The following RBM47 variants were observed in gnomAD, a reference collection of about 807,000 sequenced individuals.
The protein encoded by RBM47 is RNA-binding protein 47.
Under a neutral mutation model 47.1 loss-of-function variants are expected in RBM47, and 21 were observed. The ratio of observed to expected loss-of-function variants is 0.45; its 90% CI spans 0.32 to 0.64. The LOEUF is 0.64. Among genes scored for constraint, RBM47 ranks in the 30% least tolerant of loss-of-function variants. RBM47 has a pLI of 0.05. For synonymous variants in RBM47, 375 were observed against 361.7 expected (o/e 1.04, Z -0.42); for missense variants, 708 against 870.9 (o/e 0.81, Z 2.35).
intron 2 of RBM47, among the ~76,000 whole-genome samples, chr4:40,510,128 A>C (rs979984097): frequency 6.6e-6 from 1 of 150,828 alleles, no homozygotes; most frequent in African/African-American, 2.4e-5. Flanking sequence ...CGGAGGCTGC[A>C]ATTAGCCAAG....
rs1468007536 is a variant in RBM47, at chr4:40,438,515, C to A, written c.379G>T (p.Ala127Ser). The part of the protein sequence containing the change: ...MYCHKHEAKR[A>S]VRELNNYEIR... ...TCGTAGTTGTTGAGCTCACGCACTG[C>A]GCGCTTGGCCTCGTGCTTGTGGCAG... Residue 127 changes from alanine to serine, a missense_variant, in exon 4 of 7, where the codon GCA (alanine) becomes TCA (serine). Transcript: ENST00000295971. The A allele has an allele frequency of 5.0e-6, 8 of 1,613,632 alleles. No individual in the cohort carries two copies. The highest frequency in any genetic ancestry group is 1.3e-5 in the African/African-American group (1 of 74,950).
At chr4:40,496,317 C>A (rs1256948430) in intron 2 of RBM47, among the ~76,000 whole-genome samples, 2 of 146,562 alleles carry the variant, frequency 1.4e-5, no homozygotes, top group Non-Finnish European at 3.0e-5. Flanking sequence ...TGTATCTTGG[C>A]TGGAGAACTT....
At chr4:40,532,705 T>A (rs965823594) in intron 2 of RBM47, among the ~76,000 whole-genome samples, 1 of 151,632 alleles carries the variant, frequency 6.6e-6, no homozygotes, top group Non-Finnish European at 1.5e-5. Flanking sequence ...TACGTCAATG[T>A]CTTAACCACT....
At position 40,437,827 on chromosome 4, in the gene RBM47, T is replaced by C; in HGVS notation, c.1067A>G (p.Tyr356Cys). ...GAGCGCGTTGTAGGGGTAGCCGTAGTAGGCCAGTGTGTAGGGGTCGCAGGA... is the reference window on the plus strand; with the variant it reads ...GAGCGCGTTGTAGGGGTAGCCGTAGCAGGCCAGTGTGTAGGGGTCGCAGGA... The part of the protein sequence containing the change: ...VYSCDPYTLA[Y>C]YGYPYNALIG... Residue 356 changes from tyrosine to cysteine, a missense_variant, in exon 4 of 7, where the codon TAC becomes TGC. Tyr to Cys is a radical substitution (Grantham distance 194). Coordinates refer to ENST00000295971, the MANE Select transcript of RBM47 (RefSeq NM_001098634.2). The C allele has an allele frequency of 6.2e-7, 1 of 1,613,668 alleles. No homozygotes were observed. Among genetic ancestry groups the C allele is most frequent in the Non-Finnish European group, 8.5e-7 (1 of 1,179,608 alleles).
intron 1 of RBM47, among the ~76,000 whole-genome samples, chr4:40,583,311 G>A (rs1733152486): frequency 6.6e-6 from 1 of 150,398 alleles, no homozygotes; most frequent in African/African-American, 2.5e-5. Flanking sequence ...CTACTTGGGA[G>A]GCTGAGGCAC....
intron 1 of RBM47, among the ~76,000 whole-genome samples, chr4:40,592,965 A>G (rs1406726914): frequency 1.3e-4 from 2 of 15,810 alleles, no homozygotes; most frequent in Non-Finnish European, 2.3e-4. Flanking sequence ...ATATATATAT[A>G]TATATATATA....
rs115500735 is a variant in RBM47 at position 40,536,401 on chromosome 4, C to T, written c.-155+8021G>A. ...TTTAAGTATCACCCATGAAATTTGC[C>T]TCAAGGTTCAACGCTGACATTAGCT... On this transcript the variant is annotated intron_variant, in intron 2 of 6. Coordinates refer to ENST00000295971, the MANE Select transcript of RBM47 (RefSeq NM_001098634.2). Among the ~76,000 whole-genome samples the T allele has an allele frequency of 5.3e-3, 810 of 152,276 alleles. 8 individuals are homozygous for T. The highest frequency in any genetic ancestry group is 0.019 in the African/African-American group (772 of 41,560).
chr4:40,499,925 G>T (rs998861983), intron 2 of RBM47, among the ~76,000 whole-genome samples: 1 of 152,074 alleles, frequency 6.6e-6, no homozygotes, highest in Non-Finnish European at 1.5e-5. Context: ...ACTTTTTTTA[G>T]CATAAAGATA....
chr4:40,462,928 A>G (rs1717388103), intron 3 of RBM47, among the ~76,000 whole-genome samples: 1 of 152,230 alleles, frequency 6.6e-6, no homozygotes, highest in Non-Finnish European at 1.5e-5. Context: ...GCACAGCAAC[A>G]AAAGAAAAAA....
chr4:40,476,921 G>T (rs1719687266), intron 2 of RBM47, among the ~76,000 whole-genome samples: 1 of 152,208 alleles, frequency 6.6e-6, no homozygotes. Context: ...TAACTGGAAG[G>T]AGCCAGAGTT....
At chr4:40,565,833 G>C (rs955287910) in intron 1 of RBM47, among the ~76,000 whole-genome samples, 3 of 152,152 alleles carry the variant, frequency 2.0e-5, no homozygotes, top group African/African-American at 7.2e-5. Flanking sequence ...AGCACTTTGG[G>C]AGAACGAGGT....
At chr4:40,427,130 TAA>T in intron 6 of RBM47, 1 of 152,310 alleles carries the variant, frequency 6.6e-6, no homozygotes, top group East Asian at 1.9e-4. Flanking sequence ...GCTGTGACCT[TAA>T]AAAATTGTGA....
At chr4:40,489,894 T>C (rs1271894939) in intron 2 of RBM47, among the ~76,000 whole-genome samples, 1 of 152,232 alleles carries the variant, frequency 6.6e-6, no homozygotes, top group Non-Finnish European at 1.5e-5. Context: ...ATATGGACTT[T>C]TTAAAAATAC....
At chr4:40,576,329 A>T (rs998255047) in intron 1 of RBM47, among the ~76,000 whole-genome samples, 59 of 149,144 alleles carry the variant, frequency 4.0e-4, no homozygotes, top group Non-Finnish European at 6.2e-4. Flanking sequence ...TTTTAAAAAA[A>T]TTTTTTTGTA....
At chr4:40,564,184 T>C (rs1313435168) in intron 1 of RBM47, among the ~76,000 whole-genome samples, 2 of 152,188 alleles carry the variant, frequency 1.3e-5, no homozygotes, top group African/African-American at 2.4e-5. Context: ...CTCTGGCCAG[T>C]GGATGCAGAG....
intron 2 of RBM47, among the ~76,000 whole-genome samples, chr4:40,498,058 A>ATATATATATATATATATATATATC (rs1722864194): frequency 1.3e-5 from 1 of 77,218 alleles, no homozygotes; most frequent in Non-Finnish European, 3.0e-5. Flanking sequence ...CTTGTTTTAT[A>ATATATATATATATATATATATATC]TATATATATA....
intron 1 of RBM47, among the ~76,000 whole-genome samples, chr4:40,581,469 A>AAAT (rs1553904705): frequency 1.2e-3 from 94 of 79,204 alleles, no homozygotes; most frequent in Non-Finnish European, 1.9e-3. Flanking sequence ...AATAAATAAA[A>AAAT]GGAGAGGTCA....
At chr4:40,541,335 C>A (rs970116635) in intron 2 of RBM47, among the ~76,000 whole-genome samples, 5 of 151,820 alleles carry the variant, frequency 3.3e-5, no homozygotes, top group Admixed American at 2.0e-4. Flanking sequence ...AAGGCCAGTT[C>A]CATGGAATTA....
In RBM47 at chr4:40,432,710, CGGCTGCGGCGGCAGCAGCACT is replaced by C; in HGVS notation, c.1462_1482del (p.Ser488_Ala494del). On this transcript the variant is annotated inframe_deletion, in exon 6 of 7. Coordinates refer to ENST00000295971, the MANE Select transcript of RBM47 (RefSeq NM_001098634.2). ...ACAGCGGCTGCGGCGGCTGCGGCCGCGGCTGCGGCGGCAGCAGCACTGGCTGGGTCTGGCTGCACAGCAATG... is the reference window on the plus strand; with the variant it reads ...ACAGCGGCTGCGGCGGCTGCGGCCGCGGCTGGGTCTGGCTGCACAGCAATG... 1 of 1,607,488 alleles carries C rather than the reference CGGCTGCGGCGGCAGCAGCACT, an allele frequency of 6.2e-7. No individual in the cohort carries two copies.
Sources: gnomAD v4.1 joint callset for allele counts (sites outside exome capture counted in the v4.1 genomes callset) on GRCh38, gnomAD v4.1.1 for gene constraint, MANE v1.5 for transcripts, NCBI Gene and HGNC (gene_info 2026-07-23, HGNC 2026-07-21) for gene names.